LRP1B: variants seen among roughly 807,000 people sequenced by gnomAD.
The protein encoded by LRP1B is LDL receptor related protein 1B.
In LRP1B, 217 loss-of-function variants were observed where a neutral mutation model predicts 556.6. The ratio of observed to expected loss-of-function variants is 0.39; its 90% CI spans 0.35 to 0.44. The LOEUF is 0.44. Ranked by LOEUF, LRP1B falls within the 20% of genes least tolerant of loss-of-function variation. LRP1B has a pLI of 1.00. For synonymous variants in LRP1B, 2,047 were observed against 1,865.8 expected, an observed-to-expected ratio of 1.10 and a Z score of -2.50; for missense variants, 5,053 against 5,620.8, an observed-to-expected ratio of 0.90 and a Z score of 3.23.
intron 7 of LRP1B, among the ~76,000 whole-genome samples, chr2:141,093,739 C>G (rs1700227765): frequency 6.6e-6 from 1 of 151,358 alleles, no homozygotes; most frequent in South Asian, 2.1e-4. Context: ...TTTTTTTTGA[C>G]AGAGTTGCTT....
intron 23 of LRP1B, chr2:140,899,034 A>G (rs1417274565): frequency 6.4e-6 from 2 of 312,400 alleles, no homozygotes; most frequent in Non-Finnish European, 1.3e-5. Context: ...AGATCTGTCC[A>G]CTTGATATGG....
chr2:140,563,728 T>G (rs1445657423), intron 43 of LRP1B, among the ~76,000 whole-genome samples: 1 of 152,206 alleles, frequency 6.6e-6, no homozygotes, highest in African/African-American at 2.4e-5. Context: ...GTATCTGGAA[T>G]TACATTCAAA....
intron 86 of LRP1B, among the ~76,000 whole-genome samples, chr2:140,250,163 G>C (rs1017986032): frequency 2.6e-5 from 4 of 151,612 alleles, no homozygotes; most frequent in African/African-American, 9.7e-5. Flanking sequence ...GTTTTGTTTT[G>C]TCTCACCGTA....
chr2:140,856,627 G>A (rs750634991), intron 27 of LRP1B, among the ~76,000 whole-genome samples: 2 of 152,076 alleles, frequency 1.3e-5, no homozygotes, highest in Non-Finnish European at 2.9e-5. Context: ...AGGTGTGACT[G>A]TGTGAAAATA....
At chr2:141,732,408 TAACAAGTCCATTACATG>T (rs1270268576) in intron 2 of LRP1B, among the ~76,000 whole-genome samples, 1 of 152,078 alleles carries the variant, frequency 6.6e-6, no homozygotes, top group East Asian at 1.9e-4. Context: ...TTTAACACAG[TAACAAGTCCATTACATG>T]ATGCTAAAAT....
At chr2:141,722,358 A>T (rs1399866712) in intron 2 of LRP1B, among the ~76,000 whole-genome samples, 1 of 152,166 alleles carries the variant, frequency 6.6e-6, no homozygotes, top group Admixed American at 6.5e-5. Flanking sequence ...AGCTTGGTTG[A>T]CAGAGTGAGA....
intron 1 of LRP1B, among the ~76,000 whole-genome samples, chr2:141,993,695 C>T (rs537932539): frequency 1.3e-5 from 2 of 152,266 alleles, no homozygotes; most frequent in African/African-American, 4.8e-5. Context: ...TATAAAGTTA[C>T]ACACTAAATG....
intron 3 of LRP1B, among the ~76,000 whole-genome samples, chr2:141,471,782 A>G (rs2105069993): frequency 6.6e-6 from 1 of 152,326 alleles, no homozygotes; most frequent in East Asian, 1.9e-4. Flanking sequence ...ATTGAAGTTG[A>G]TTAATCAATT....
intron 7 of LRP1B, among the ~76,000 whole-genome samples, chr2:141,116,900 A>C (rs1042496556): frequency 3.9e-5 from 6 of 152,022 alleles, no homozygotes; most frequent in African/African-American, 1.4e-4. Flanking sequence ...ATTTTATGTG[A>C]TAGTGTGTTT....
intron 3 of LRP1B, among the ~76,000 whole-genome samples, chr2:141,346,892 A>G (rs1189980898): frequency 2.0e-5 from 3 of 152,088 alleles, no homozygotes; most frequent in Non-Finnish European, 4.4e-5. Context: ...TTTGTAATTC[A>G]TTATCTAGTT....
chr2:141,229,069 C>T, intron 6 of LRP1B, 114 bp downstream of exon 6: 1 of 998,858 alleles, frequency 1.0e-6, no homozygotes, highest in Admixed American at 2.2e-5. Flanking sequence ...ATTGTATTTG[C>T]ACATACAGCT....
chr2:140,263,964 C>G (rs1019660816), intron 86 of LRP1B, among the ~76,000 whole-genome samples: 9 of 152,070 alleles, frequency 5.9e-5, no homozygotes, highest in Non-Finnish European at 1.3e-4. Context: ...AAATCCACAA[C>G]AAATGGGTGG....
At chr2:141,996,298 C>T (rs1332300574) in intron 1 of LRP1B, among the ~76,000 whole-genome samples, 14 of 151,796 alleles carry the variant, frequency 9.2e-5, no homozygotes, top group Non-Finnish European at 2.1e-4. Flanking sequence ...TAAAAGTAGC[C>T]GAATGACATA....
intron 29 of LRP1B, among the ~76,000 whole-genome samples, chr2:140,847,548 C>G (rs1339309272): frequency 6.6e-6 from 1 of 152,000 alleles, no homozygotes; most frequent in African/African-American, 2.4e-5. Flanking sequence ...GTGGGTGGAT[C>G]ATGTGGTCAG....
intron 23 of LRP1B, among the ~76,000 whole-genome samples, chr2:140,887,796 T>C (rs1178179422): frequency 6.6e-6 from 1 of 152,166 alleles, no homozygotes; most frequent in African/African-American, 2.4e-5. Flanking sequence ...AAGCTAGTCA[T>C]AAAACACATA....
In LRP1B at chr2:141,869,653, C is replaced by T. The variant is rs181205459; in HGVS notation, c.83-59252G>A. On this transcript the variant is annotated intron_variant, in intron 1 of 90. Coordinates refer to ENST00000389484, the MANE Select transcript of LRP1B (RefSeq NM_018557.3). ...TTTCCATGCTATGTGCCTTCAGGCA[C>T]GCTACCAGTTATTCTAAGGTTCATT... Among the ~76,000 whole-genome samples, 60 of 152,208 alleles carry T rather than the reference C, an allele frequency of 3.9e-4. 2 individuals are homozygous for T. The East Asian group carries it at 6.0e-3, about 15-fold the overall frequency.
intron 1 of LRP1B, among the ~76,000 whole-genome samples, chr2:142,037,268 T>C (rs2105208383): frequency 6.6e-6 from 1 of 151,730 alleles, no homozygotes; most frequent in Non-Finnish European, 1.5e-5. Flanking sequence ...TCTGGTGTAG[T>C]GGTTTCAGCC....
At chr2:141,927,644 A>C (rs1700369833) in intron 1 of LRP1B, among the ~76,000 whole-genome samples, 1 of 151,948 alleles carries the variant, frequency 6.6e-6, no homozygotes, top group Non-Finnish European at 1.5e-5. Context: ...TCTTTGTTTT[A>C]GTTAACTGGA....
At chr2:141,703,803 A>G (rs1422741832) in intron 2 of LRP1B, among the ~76,000 whole-genome samples, 1 of 151,916 alleles carries the variant, frequency 6.6e-6, no homozygotes, top group East Asian at 1.9e-4. Context: ...AGGGGGTTAC[A>G]TCGGCCTAAC....
Sources: gnomAD v4.1 joint callset for allele counts (sites outside exome capture counted in the v4.1 genomes callset) on GRCh38, gnomAD v4.1.1 for gene constraint, MANE v1.5 for transcripts, NCBI Gene and HGNC (gene_info 2026-07-23, HGNC 2026-07-21) for gene names.